The following GSG1L variants were observed in gnomAD, a reference collection of about 807,000 sequenced individuals.
GSG1L encodes germ cell-specific gene 1-like protein.
A neutral mutation model predicts 42.1 loss-of-function variants in GSG1L; 24 were observed. The ratio of observed to expected loss-of-function variants is 0.57; its 90% CI spans 0.41 to 0.80. The LOEUF (loss-of-function observed/expected upper bound fraction) is 0.80, where lower values mean the gene tolerates loss of function less well. GSG1L is among the 30% of genes least tolerant of loss of function. GSG1L has a pLI of 0.00. For synonymous variants in GSG1L, 215 were observed against 203.5 expected (o/e 1.06, Z -0.48); for missense variants, 445 against 472.2 (o/e 0.94, Z 0.53).
intron 3 of GSG1L, among the ~76,000 whole-genome samples, chr16:27,871,224 T>C (rs1365241467): frequency 6.6e-6 from 1 of 152,144 alleles, no homozygotes; most frequent in Non-Finnish European, 1.5e-5. Context: ...AGGCCAGGGA[T>C]GCTGCTGGAC....
chr16:27,849,997 A>C (rs79289609), intron 3 of GSG1L, among the ~76,000 whole-genome samples: 1,753 of 100,210 alleles, frequency 0.017, 18 homozygotes, highest in Non-Finnish European at 0.025. Flanking sequence ...GTAGAATCCT[A>C]TTTGTGCCAT....
chr16:28,057,337 G>A (rs1313112922), intron 1 of GSG1L, among the ~76,000 whole-genome samples: 1 of 152,126 alleles, frequency 6.6e-6, no homozygotes, highest in Non-Finnish European at 1.5e-5. Flanking sequence ...TGGCAGGTTG[G>A]ACCAATGGAC....
chr16:28,024,267 G>T (rs1352920760), intron 1 of GSG1L, among the ~76,000 whole-genome samples: 1 of 152,152 alleles, frequency 6.6e-6, no homozygotes, highest in African/African-American at 2.4e-5. Flanking sequence ...CAGAGATTCC[G>T]GGAGGCAAGT....
intron 2 of GSG1L, among the ~76,000 whole-genome samples, chr16:27,919,825 G>A (rs74015155): frequency 0.016 from 2,476 of 152,296 alleles, 63 homozygotes; most frequent in African/African-American, 0.057. Flanking sequence ...CACCTGAAAG[G>A]AGGAAAATAA....
At chr16:27,923,749 G>GAAGAAAGA (rs757945227) in intron 2 of GSG1L, among the ~76,000 whole-genome samples, 1 of 138,608 alleles carries the variant, frequency 7.2e-6, no homozygotes, top group Admixed American at 7.3e-5. Flanking sequence ...AAAAAAAAAG[G>GAAGAAAGA]AAGAAAGAAA....
At chr16:27,872,614 AAG>A (rs1378983637) in intron 3 of GSG1L, among the ~76,000 whole-genome samples, 1 of 152,176 alleles carries the variant, frequency 6.6e-6, no homozygotes, top group Non-Finnish European at 1.5e-5. Flanking sequence ...ACAGGTCATA[AAG>A]ACCTTGCTGA....
chr16:27,957,259 A>C (rs760131838), intron 2 of GSG1L, among the ~76,000 whole-genome samples: 1 of 152,226 alleles, frequency 6.6e-6, no homozygotes, highest in Non-Finnish European at 1.5e-5. Context: ...AGTCACGAGA[A>C]TCACTTGAAC....
At chr16:27,812,192 C>T (rs2083038776) in intron 5 of GSG1L, among the ~76,000 whole-genome samples, 1 of 152,182 alleles carries the variant, frequency 6.6e-6, no homozygotes, top group Non-Finnish European at 1.5e-5. Context: ...AGGAGAGAGC[C>T]AGGCCTTGTG....
chr16:27,939,411 A>G (rs2084760522), intron 2 of GSG1L, among the ~76,000 whole-genome samples: 1 of 152,132 alleles, frequency 6.6e-6, no homozygotes, highest in Admixed American at 6.5e-5. Context: ...TCCAGGCATG[A>G]GGCACCAGGC....
In GSG1L at chr16:27,790,542, G is replaced by A. The variant is rs2082739209; in HGVS notation, c.*828C>T. ...TTCTGTAAAGGTGGTGCTAGGCACA[G>A]GGTAAAGCCTCCTCAGGGTCAGGGT... On this transcript the variant is annotated 3_prime_UTR_variant, in exon 7 of 7. Coordinates refer to ENST00000447459, the MANE Select transcript of GSG1L (RefSeq NM_001109763.2). 6.6e-6 allele frequency: 1 copy of A among 152,268 alleles called. No individual in the cohort carries two copies. Among genetic ancestry groups the A allele is most frequent in the Admixed American group, 6.5e-5 (1 of 15,282 alleles). 9.4% of individuals were successfully genotyped at this position (152,268 alleles called of 1,614,324 possible). A position where few individuals can be genotyped will look rare whatever the true frequency, so the allele number is the denominator to read the frequency against.
At chr16:27,839,622 C>T (rs998182106) in intron 4 of GSG1L, among the ~76,000 whole-genome samples, 4 of 152,154 alleles carry the variant, frequency 2.6e-5, no homozygotes, top group African/African-American at 9.7e-5. Flanking sequence ...GTGGTGGGGA[C>T]TGGGGTGAGC....
At chr16:27,929,154 C>A (rs1198931825) in intron 2 of GSG1L, among the ~76,000 whole-genome samples, 2 of 152,188 alleles carry the variant, frequency 1.3e-5, no homozygotes, top group Non-Finnish European at 2.9e-5. Flanking sequence ...AGAATCACTG[C>A]GCTAGAAGGT....
Position 27,788,477 on chromosome 16 carries a change from C to T in GSG1L, c.*2893G>A, listed in dbSNP as rs549429402. On this transcript the variant is annotated 3_prime_UTR_variant, in exon 7 of 7. Transcript: ENST00000447459. ...CTCCCTAAGAAGGTTTCCAGTTCCT[C>T]CTGGCCTGGCTCCACTGCCCTCTGA... 1.9e-4 allele frequency: 29 copies of T among 152,534 alleles called. 1 individual carries two copies. The highest frequency in any genetic ancestry group is 6.0e-4 in the African/African-American group (25 of 41,578). The allele number at this position is 152,534 out of a possible 1,614,324, so 9.4% of individuals were successfully genotyped here.
At chr16:27,999,009 A>C (rs2085550997) in intron 1 of GSG1L, among the ~76,000 whole-genome samples, 1 of 152,208 alleles carries the variant, frequency 6.6e-6, no homozygotes, top group Admixed American at 6.5e-5. Flanking sequence ...GACACGTGTC[A>C]CTTGGCATTT....
chr16:28,055,702 T>C (rs770172767), intron 1 of GSG1L, among the ~76,000 whole-genome samples: 1 of 151,236 alleles, frequency 6.6e-6, no homozygotes, highest in African/African-American at 2.4e-5. Flanking sequence ...ACTCCAGACC[T>C]CAGGTGATCC....
chr16:27,820,043 C>T (rs2083135195), intron 5 of GSG1L, among the ~76,000 whole-genome samples: 2 of 152,132 alleles, frequency 1.3e-5, no homozygotes, highest in Admixed American at 6.5e-5. Flanking sequence ...GCAGCGGCAT[C>T]TGTCAGGACT....
intron 2 of GSG1L, among the ~76,000 whole-genome samples, chr16:27,915,162 G>A (rs74015146): frequency 0.016 from 2,412 of 151,294 alleles, 61 homozygotes; most frequent in African/African-American, 0.056. Context: ...GAGAGGGGAT[G>A]AGGGAGCAGA....
intron 1 of GSG1L, among the ~76,000 whole-genome samples, chr16:27,964,336 A>AAAAG (rs1441790515): frequency 3.6e-3 from 548 of 152,268 alleles, no homozygotes; most frequent in African/African-American, 0.013. Context: ...AAAAAAAAAA[A>AAAAG]AAATGTGCAT....
At chr16:28,016,994 CAG>C in intron 1 of GSG1L, among the ~76,000 whole-genome samples, 1 of 152,336 alleles carries the variant, frequency 6.6e-6, no homozygotes. Flanking sequence ...AACGCAGAGG[CAG>C]AGAGAACCAA....
Sources: gnomAD v4.1 joint callset for allele counts (sites outside exome capture counted in the v4.1 genomes callset) on GRCh38, gnomAD v4.1.1 for gene constraint, MANE v1.5 for transcripts, NCBI Gene and HGNC (gene_info 2026-07-23, HGNC 2026-07-21) for gene names.